FBXO17: variants seen among roughly 807,000 people sequenced by gnomAD.
FBXO17 encodes F-box only protein 17.
Under a neutral mutation model 34.1 loss-of-function variants are expected in FBXO17, and 43 were observed. That is an observed-to-expected ratio of 1.26 (90% CI 0.99 to 1.62). The LOEUF is 1.62. Ranked by LOEUF, FBXO17 falls within the 40% of genes most tolerant of loss-of-function variation. FBXO17 has a pLI of 0.00. For missense variants in FBXO17, 424 were observed against 386.7 expected (o/e 1.10, Z -0.81); for synonymous variants, 169 against 166.0 (o/e 1.02, Z -0.14).
intron 4 of FBXO17, 91 bp downstream of exon 4, chr19:38,946,381 G>C (rs762653124): frequency 1.0e-5 from 16 of 1,580,496 alleles, no homozygotes; most frequent in Middle Eastern, 2.0e-4. Flanking sequence ...GCCGCTACCC[G>C]TGGGGTTGAT....
chr19:38,951,835 G>A (rs1230610556), intron 1 of FBXO17, among the ~76,000 whole-genome samples: 1 of 149,278 alleles, frequency 6.7e-6, no homozygotes, highest in Non-Finnish European at 1.5e-5. Flanking sequence ...TCTTTAAGGA[G>A]AGACAGTTTC....
intron 1 of FBXO17, among the ~76,000 whole-genome samples, chr19:38,968,598 T>A (rs1193765961): frequency 6.6e-6 from 1 of 152,120 alleles, no homozygotes; most frequent in East Asian, 1.9e-4. Flanking sequence ...TCTACCTCCA[T>A]GCAAACTCTC....
In FBXO17 at chr19:38,944,144, C is replaced by T. The variant is rs531767627; in HGVS notation, c.693+825G>A. Among the ~76,000 whole-genome samples the T allele has an allele frequency of 9.2e-5, 14 of 152,260 alleles. No individual in the cohort carries two copies. The East Asian group carries it at 1.5e-3, about 17-fold the overall frequency. Reference sequence around the variant, plus strand: ...CAGCATCATGTTTTCAGTTTATCCACGTTGCAGTGTGAATTCATGCTTCAT... The same window carrying T: ...CAGCATCATGTTTTCAGTTTATCCATGTTGCAGTGTGAATTCATGCTTCAT... On this transcript the variant is annotated intron_variant, in intron 5 of 5. Transcript: ENST00000292852.
intron 1 of FBXO17, among the ~76,000 whole-genome samples, chr19:38,973,616 A>G (rs1406961446): frequency 6.6e-6 from 1 of 152,204 alleles, no homozygotes; most frequent in African/African-American, 2.4e-5. Context: ...TTTCTAAGCC[A>G]TATGTAGAAT....
intron 1 of FBXO17, among the ~76,000 whole-genome samples, chr19:38,956,841 C>T (rs975587439): frequency 1.3e-5 from 2 of 152,070 alleles, no homozygotes; most frequent in Non-Finnish European, 2.9e-5. Flanking sequence ...GATCATGCCA[C>T]TGCACACAGC....
rs1474156660 is a variant in FBXO17 at position 38,949,879 on chromosome 19, T to C, written c.349+92A>G. 23 of 1,374,498 alleles carry C rather than the reference T, an allele frequency of 1.7e-5. No individual in the cohort carries two copies. The South Asian group carries it at 3.5e-4, about 21-fold the overall frequency. 85.1% of individuals were successfully genotyped at this position (1,374,498 alleles called of 1,614,324 possible). On this transcript the variant is annotated intron_variant, in intron 2 of 5. Transcript: ENST00000292852. ...CTGGCTCCTCCAGCGGTCTCGCCCATTGGCTACATCTCTCAGACTCTGTCC... is the reference window on the plus strand; with the variant it reads ...CTGGCTCCTCCAGCGGTCTCGCCCACTGGCTACATCTCTCAGACTCTGTCC...
chr19:38,960,701 G>T (rs1384932504), intron 1 of FBXO17, among the ~76,000 whole-genome samples: 3 of 151,642 alleles, frequency 2.0e-5, no homozygotes, highest in Non-Finnish European at 4.4e-5. Flanking sequence ...TGAAGACAGG[G>T]TTTCACATGT....
chr19:38,961,961 CTTCT>C (rs1975256596), intron 1 of FBXO17, among the ~76,000 whole-genome samples: 1 of 152,124 alleles, frequency 6.6e-6, no homozygotes, highest in African/African-American at 2.4e-5. Flanking sequence ...CCGTGCCCGG[CTTCT>C]TTCTGTTACT....
intron 5 of FBXO17, chr19:38,944,692 T>G: frequency 6.9e-6 from 3 of 434,892 alleles, no homozygotes; most frequent in South Asian, 5.7e-5. Context: ...GGAGATAGGA[T>G]TTTGCTTCAC....
Position 38,945,913 on chromosome 19 carries a change from TG to T in FBXO17, c.557+558del, listed in dbSNP as rs1014353329. The T allele has an allele frequency of 7.8e-5, 14 of 178,562 alleles. No individual in the cohort carries two copies. The Middle Eastern group carries it at 4.1e-3, about 52-fold the overall frequency. The allele number at this position is 178,562 out of a possible 1,614,324, so 11.1% of individuals were successfully genotyped here. A position where few individuals can be genotyped will look rare whatever the true frequency, so the allele number is the denominator to read the frequency against. On this transcript the variant is annotated intron_variant, in intron 4 of 5. Coordinates refer to ENST00000292852, the MANE Select transcript of FBXO17 (RefSeq NM_024907.7). ...AGTTGGGGGACGGGAAAGGATGCTC[TG>T]GGGAAGAACCACAATGCAGGGCAGG... is the stretch of plus-strand genomic sequence containing the variant.
At chr19:38,965,268 C>T (rs916702506) in intron 1 of FBXO17, among the ~76,000 whole-genome samples, 1 of 152,028 alleles carries the variant, frequency 6.6e-6, no homozygotes, top group Non-Finnish European at 1.5e-5. Context: ...GCAACCTGTG[C>T]GTTCACATGT....
intron 2 of FBXO17, chr19:38,949,747 G>C (rs879913757): frequency 1.3e-5 from 8 of 595,510 alleles, no homozygotes; most frequent in Non-Finnish European, 2.3e-5. Flanking sequence ...GCCCAGCCAG[G>C]GTCTTCCTGC....
At chr19:38,952,577 C>T (rs1450582121) in intron 1 of FBXO17, 2 of 534,542 alleles carry the variant, frequency 3.7e-6, no homozygotes, top group Admixed American at 3.9e-5. Flanking sequence ...CACTACCTTG[C>T]TTCATGCGTC....
At chr19:38,949,697 G>C (rs1309171079) in intron 2 of FBXO17, 1 of 560,230 alleles carries the variant, frequency 1.8e-6, no homozygotes, top group East Asian at 3.1e-5. Flanking sequence ...GTCCTGTTCT[G>C]CATCCCCTCT....
At chr19:38,951,309 G>A (rs866564038) in intron 1 of FBXO17, among the ~76,000 whole-genome samples, 15 of 151,654 alleles carry the variant, frequency 9.9e-5, no homozygotes, top group Non-Finnish European at 1.5e-4. Flanking sequence ...GGGACTATAG[G>A]TGCATGCCAC....
intron 1 of FBXO17, among the ~76,000 whole-genome samples, chr19:38,950,627 GAACT>G (rs879940337): frequency 3.3e-5 from 5 of 152,334 alleles, no homozygotes; most frequent in Admixed American, 2.6e-4. Flanking sequence ...AATGGCAAAA[GAACT>G]AACATAACTA....
At chr19:38,942,785 C>G in intron 5 of FBXO17, 34 bp from the exon 6 acceptor site, 1 of 1,578,296 alleles carries the variant, frequency 6.3e-7, no homozygotes, top group Non-Finnish European at 8.6e-7. Flanking sequence ...GGGTGAGGGC[C>G]TGCGGGCCCC....
chr19:38,945,600 G>C (rs1192567135), intron 4 of FBXO17: 1 of 136,806 alleles, frequency 7.3e-6, no homozygotes, highest in African/African-American at 3.6e-5. Context: ...GGTGGAGCCA[G>C]AGCAGGGGAG....
In FBXO17 at chr19:38,975,556, C is replaced by A. The variant is rs1016277791; in HGVS notation, c.-18+30G>T. 1 of 152,188 alleles carries A rather than the reference C, an allele frequency of 6.6e-6. No homozygotes were observed. The highest frequency in any genetic ancestry group is 2.4e-5 in the African/African-American group (1 of 41,440). 9.4% of individuals were successfully genotyped at this position (152,188 alleles called of 1,614,324 possible). On this transcript the variant is annotated intron_variant, in intron 1 of 5. Coordinates refer to ENST00000292852, the MANE Select transcript of FBXO17 (RefSeq NM_024907.7). The surrounding 1 kb of genome is among the most constrained non-coding windows in gnomAD (Gnocchi z 4.9). ...AACGGGACTGACGCTTGGGTCCCGA[C>A]CTGGGTCCCCTACCTGTCCCGGCGC...
Sources: gnomAD v4.1 joint callset for allele counts (sites outside exome capture counted in the v4.1 genomes callset) on GRCh38, gnomAD v4.1.1 for gene constraint, Gnocchi (gnomAD v3.1) non-coding constraint, MANE v1.5 for transcripts, NCBI Gene and HGNC (gene_info 2026-07-23, HGNC 2026-07-21) for gene names.